MECOM: variants seen among roughly 807,000 people sequenced by gnomAD.
The protein encoded by MECOM is histone-lysine N-methyltransferase MECOM.
MECOM carries 13 observed loss-of-function variants against 116.3 expected under a neutral mutation model. The observed-to-expected ratio is 0.11, with a 90% CI of 0.07 to 0.18. The LOEUF (loss-of-function observed/expected upper bound fraction) is 0.18. Among genes scored for constraint, MECOM ranks in the 10% least tolerant of loss-of-function variants. The pLI is 1.00. For synonymous variants in MECOM, 528 were observed against 535.2 expected, an observed-to-expected ratio of 0.99 and a Z score of 0.19; for missense variants, 1,299 against 1,509.0, an observed-to-expected ratio of 0.86 and a Z score of 2.31.
intron 1 of MECOM, among the ~76,000 whole-genome samples, chr3:169,608,392 T>C (rs1187107202): frequency 6.6e-6 from 1 of 152,206 alleles, no homozygotes; most frequent in Non-Finnish European, 1.5e-5. Flanking sequence ...CAGAGTGGCC[T>C]TGAAAGCAGA....
intron 1 of MECOM, among the ~76,000 whole-genome samples, chr3:169,530,661 A>G (rs991076861): frequency 6.6e-5 from 10 of 152,254 alleles, no homozygotes; most frequent in African/African-American, 1.9e-4. Flanking sequence ...GAGCGTAGAC[A>G]GCCTAATGTT....
chr3:169,468,246 C>T (rs1169974795), intron 1 of MECOM, among the ~76,000 whole-genome samples: 1 of 152,090 alleles, frequency 6.6e-6, no homozygotes, highest in Non-Finnish European at 1.5e-5. Flanking sequence ...TTCCCTTCCC[C>T]AGATAACTCC....
intron 1 of MECOM, among the ~76,000 whole-genome samples, chr3:169,498,630 T>C (rs536444208): frequency 6.6e-6 from 1 of 152,162 alleles, no homozygotes; most frequent in African/African-American, 2.4e-5. Flanking sequence ...CCTGGTGGAG[T>C]TGAGGCAACT....
intron 1 of MECOM, among the ~76,000 whole-genome samples, chr3:169,625,219 C>G (rs1271176171): frequency 6.6e-6 from 1 of 151,988 alleles, no homozygotes; most frequent in Non-Finnish European, 1.5e-5. Context: ...CAATGATTTG[C>G]TTAGATTTTT....
intron 2 of MECOM, among the ~76,000 whole-genome samples, chr3:169,333,044 A>G (rs1463647849): frequency 6.6e-6 from 1 of 152,226 alleles, no homozygotes; most frequent in African/African-American, 2.4e-5. Flanking sequence ...AAAACATAGC[A>G]TTTCACTTTA....
intron 2 of MECOM, chr3:169,146,583 C>G (rs752470481): frequency 1.2e-5 from 17 of 1,373,554 alleles, no homozygotes; most frequent in Admixed American, 3.8e-5. Context: ...CAGGGCTCCG[C>G]GAGACTGCGG....
At chr3:169,462,803 A>G (rs1747674714) in intron 1 of MECOM, among the ~76,000 whole-genome samples, 1 of 152,186 alleles carries the variant, frequency 6.6e-6, no homozygotes, top group Non-Finnish European at 1.5e-5. Context: ...TATAGTCTAT[A>G]TTCTAGGATT....
chr3:169,371,025 G>A (rs1490734944), intron 2 of MECOM, among the ~76,000 whole-genome samples: 1 of 151,966 alleles, frequency 6.6e-6, no homozygotes, highest in Non-Finnish European at 1.5e-5. Flanking sequence ...TATTTCCAAA[G>A]TAAATAAAAT....
chr3:169,179,984 G>T (rs562513799), intron 2 of MECOM, among the ~76,000 whole-genome samples: 2 of 152,126 alleles, frequency 1.3e-5, no homozygotes, highest in Non-Finnish European at 2.9e-5. Context: ...TGACTCATTG[G>T]TAATGTAGTC....
intron 13 of MECOM, among the ~76,000 whole-genome samples, chr3:169,093,404 T>C (rs1720422625): frequency 6.6e-6 from 1 of 152,218 alleles, no homozygotes; most frequent in Admixed American, 6.5e-5. Flanking sequence ...ATTCACATAA[T>C]GAGAATTTAG....
intron 1 of MECOM, among the ~76,000 whole-genome samples, chr3:169,550,820 C>CTTTTTTT (rs35343157): frequency 4.4e-5 from 4 of 91,664 alleles, no homozygotes; most frequent in Admixed American, 1.3e-4. Context: ...GTTCCCTTTC[C>CTTTTTTT]TTTTTTTTTT....
chr3:169,102,320 T>G, intron 10 of MECOM, 94 bp from the exon 11 acceptor site: 1 of 1,176,714 alleles, frequency 8.5e-7, no homozygotes, highest in Non-Finnish European at 1.2e-6. Context: ...AAGGGAAGCA[T>G]GAAATCTGCG....
intron 1 of MECOM, among the ~76,000 whole-genome samples, chr3:169,597,402 G>A (rs908688771): frequency 6.6e-6 from 1 of 152,150 alleles, no homozygotes; most frequent in African/African-American, 2.4e-5. Flanking sequence ...GGGAGGTGAC[G>A]GAAAGCTGCT....
At chr3:169,258,227 G>T (rs940229602) in intron 2 of MECOM, among the ~76,000 whole-genome samples, 5 of 150,474 alleles carry the variant, frequency 3.3e-5, no homozygotes, top group Non-Finnish European at 4.5e-5. Context: ...CACAAAAAAA[G>T]GAAAAGAAAG....
intron 1 of MECOM, among the ~76,000 whole-genome samples, chr3:169,496,309 AG>A (rs1753807342): frequency 6.6e-6 from 1 of 152,266 alleles, no homozygotes; most frequent in South Asian, 2.1e-4. Flanking sequence ...TTCTCATGTT[AG>A]AACCAAACGT....
chr3:169,128,910 A>G (rs1307192141), intron 4 of MECOM, among the ~76,000 whole-genome samples: 1 of 152,148 alleles, frequency 6.6e-6, no homozygotes, highest in Non-Finnish European at 1.5e-5. Context: ...ATAAAGCCAC[A>G]CTCCGCACAG....
intron 5 of MECOM, among the ~76,000 whole-genome samples, chr3:169,124,329 G>A (rs1030960900): frequency 6.6e-6 from 1 of 151,920 alleles, no homozygotes; most frequent in Non-Finnish European, 1.5e-5. Context: ...TAAATAAATT[G>A]TAATAAGAGA....
chr3:169,340,014 T>A (rs1329205654), intron 2 of MECOM, among the ~76,000 whole-genome samples: 2 of 152,192 alleles, frequency 1.3e-5, no homozygotes, highest in African/African-American at 4.8e-5. Flanking sequence ...AATGAATCTA[T>A]TATGTATTTG....
intron 1 of MECOM, among the ~76,000 whole-genome samples, chr3:169,656,885 A>T (rs976302854): frequency 6.6e-6 from 1 of 152,278 alleles, no homozygotes; most frequent in African/African-American, 2.4e-5. Context: ...TTCTTAGAAC[A>T]ACTATGTTTC....
Sources: gnomAD v4.1 joint callset for allele counts (sites outside exome capture counted in the v4.1 genomes callset) on GRCh38, gnomAD v4.1.1 for gene constraint, MANE v1.5 for transcripts, NCBI Gene and HGNC (gene_info 2026-07-23, HGNC 2026-07-21) for gene names.